SSR2: variants seen among roughly 807,000 people sequenced by gnomAD.
SSR2 encodes translocon-associated protein subunit beta.
SSR2 carries 16 observed loss-of-function variants against 22.6 expected under a neutral mutation model. The ratio of observed to expected loss-of-function variants is 0.71; its 90% CI spans 0.48 to 1.08. The LOEUF (loss-of-function observed/expected upper bound fraction) is 1.08, where lower values mean the gene tolerates loss of function less well. SSR2 is among the 50% of genes least tolerant of loss of function. The pLI, the probability that SSR2 is intolerant of heterozygous loss-of-function variation, is 0.00. For synonymous variants in SSR2, 83 were observed against 91.2 expected (o/e 0.91, Z 0.51); for missense variants, 171 against 221.6 (o/e 0.77, Z 1.45).
Position 156,018,264 on chromosome 1 carries a change from G to A in SSR2, c.254+6C>T, listed in dbSNP as rs1458939419. On this transcript the variant is annotated splice_donor_region_variant and intron_variant, in intron 3 of 5. Transcript: ENST00000295702. ...GACCCTTCATCACCAAGTGCCAAGA[G>A]GATACGGGGCAATCCGGTCCCATTT... is the stretch of plus-strand genomic sequence containing the variant. 1.2e-6 allele frequency: 2 copies of A among 1,612,342 alleles called. No homozygotes were observed. The highest frequency in any genetic ancestry group is 2.2e-5 in the South Asian group (2 of 91,048).
intron 2 of SSR2, among the ~76,000 whole-genome samples, chr1:156,019,683 C>A (rs971320389): frequency 6.6e-6 from 1 of 152,204 alleles, no homozygotes; most frequent in African/African-American, 2.4e-5. Flanking sequence ...CCATGCCAGG[C>A]TGGAAGATGA....
intron 4 of SSR2, chr1:156,012,686 A>G (rs753164549): frequency 3.7e-5 from 16 of 429,976 alleles, no homozygotes; most frequent in African/African-American, 1.0e-4. Flanking sequence ...TTTTCATTCT[A>G]TGGTTGACTG....
chr1:156,016,147 C>T (rs1683051726), intron 3 of SSR2, among the ~76,000 whole-genome samples: 1 of 151,316 alleles, frequency 6.6e-6, no homozygotes, highest in South Asian at 2.1e-4. Flanking sequence ...AGCGAAACTC[C>T]ATCTCAAAAA....
intron 3 of SSR2, among the ~76,000 whole-genome samples, chr1:156,016,169 T>C (rs566389967): frequency 6.6e-6 from 1 of 151,992 alleles, no homozygotes; most frequent in African/African-American, 2.4e-5. Context: ...AAAATTACAG[T>C]CATTCAATCA....
chr1:156,014,538 T>G (rs1683023371), intron 4 of SSR2: 1 of 157,050 alleles, frequency 6.4e-6, no homozygotes, highest in Non-Finnish European at 1.4e-5. Flanking sequence ...TTATTCTTTC[T>G]AACTATATAT....
intron 3 of SSR2, among the ~76,000 whole-genome samples, chr1:156,015,535 A>AT (rs1156635137): frequency 1.7e-4 from 8 of 46,774 alleles, no homozygotes; most frequent in East Asian, 6.7e-4. Flanking sequence ...AAAAAAAAAA[A>AT]ATATATATAT....
At chr1:156,020,361 A>G (rs1246386671) in intron 1 of SSR2, 194 bp from the exon 2 acceptor site, 2 of 571,496 alleles carry the variant, frequency 3.5e-6, no homozygotes, top group Non-Finnish European at 6.2e-6. Context: ...AGCCCTCGAA[A>G]AACCGGTACA....
chr1:156,011,982 C>G, intron 4 of SSR2, 95 bp from the exon 5 acceptor site: 1 of 873,780 alleles, frequency 1.1e-6, no homozygotes, highest in South Asian at 1.4e-5. Flanking sequence ...CAACCCAACT[C>G]TATGCATTAG....
chr1:156,018,220 A>T, intron 3 of SSR2, 50 bp downstream of exon 3: 1 of 1,447,704 alleles, frequency 6.9e-7, no homozygotes, highest in Non-Finnish European at 9.7e-7. Flanking sequence ...CTTTGCAGGC[A>T]AGGCTCTCCC....
intron 4 of SSR2, 58 bp from the exon 5 acceptor site, chr1:156,011,945 T>C (rs368277927): frequency 7.1e-7 from 1 of 1,418,050 alleles, no homozygotes; most frequent in Non-Finnish European, 1.0e-6. Flanking sequence ...TTCCACCTCA[T>C]CTACTCTGAG....
intron 3 of SSR2, among the ~76,000 whole-genome samples, chr1:156,016,543 T>C (rs901335195): frequency 2.0e-5 from 3 of 151,650 alleles, no homozygotes; most frequent in Non-Finnish European, 4.4e-5. Flanking sequence ...GCCAAGCTCA[T>C]AGAAAATCTT....
At chr1:156,019,553 T>A (rs1050600636) in intron 2 of SSR2, among the ~76,000 whole-genome samples, 3 of 151,906 alleles carry the variant, frequency 2.0e-5, no homozygotes, top group Non-Finnish European at 4.4e-5. Flanking sequence ...CCTGGCTAAT[T>A]TTTGTATTTT....
chr1:156,011,829 C>G lies in SSR2; in HGVS notation c.422G>C (p.Arg141Thr). The change falls in exon 5 of 6, where the codon AGG (arginine) becomes ACG (threonine). Residue 141 changes from arginine (R) to threonine (T), a missense_variant. Transcript: ENST00000295702. ...GGILAQREFD[R>T]RFSPHFLDWA... ...GCTTACAAAATGAGGGGAGAATCGC[C>G]TGTCAAACTCCCGCTGAGCCAGGAT... 6.2e-7 allele frequency: 1 copy of G among 1,613,888 alleles called. No individual in the cohort carries two copies. The highest frequency in any genetic ancestry group is 8.5e-7 in the Non-Finnish European group (1 of 1,179,852).
At chr1:156,017,499 G>A (rs1221554280) in intron 3 of SSR2, among the ~76,000 whole-genome samples, 10 of 151,536 alleles carry the variant, frequency 6.6e-5, no homozygotes, top group South Asian at 2.1e-4. Flanking sequence ...ACAGGCTCCC[G>A]CCACTGCGCC....
At chr1:156,012,744 G>A (rs1682996627) in intron 4 of SSR2, 1 of 306,980 alleles carries the variant, frequency 3.3e-6, no homozygotes, top group Admixed American at 4.1e-5. Flanking sequence ...CAGCCCTACT[G>A]GTATGGAGGA....
intron 3 of SSR2, among the ~76,000 whole-genome samples, chr1:156,016,829 T>A (rs557669632): frequency 6.6e-5 from 10 of 152,140 alleles, no homozygotes; most frequent in Non-Finnish European, 1.3e-4. Context: ...GGTTTAAAAG[T>A]GTGTAGCACC....
chr1:156,019,219 C>A (rs886831907), intron 2 of SSR2: 1 of 451,648 alleles, frequency 2.2e-6, no homozygotes, highest in Non-Finnish European at 4.5e-6. Context: ...ATCCAGGAGG[C>A]AATAGGTCCA....
At chr1:156,014,757 G>A in intron 4 of SSR2, 1 of 446,586 alleles carries the variant, frequency 2.2e-6, no homozygotes, top group Non-Finnish European at 4.2e-6. Flanking sequence ...GGCCAGGCTG[G>A]TCTTGAACTC....
chr1:156,019,952 C>T (rs1374208627), intron 2 of SSR2, 61 bp downstream of exon 2: 2 of 1,570,366 alleles, frequency 1.3e-6, no homozygotes, highest in Non-Finnish European at 1.7e-6. Context: ...CTCCCTATTC[C>T]CATCTGAAAA....
Sources: allele counts gnomAD v4.1 joint callset (sites outside exome capture counted in the v4.1 genomes callset), GRCh38; gene constraint gnomAD v4.1.1; transcripts MANE v1.5; gene names NCBI Gene and HGNC (gene_info 2026-07-23, HGNC 2026-07-21).